The following HMCN1 variants were observed in gnomAD, a reference collection of about 807,000 sequenced individuals.
The protein encoded by HMCN1 is hemicentin-1.
HMCN1 carries 321 observed loss-of-function variants against 625.9 expected under a neutral mutation model. The ratio of observed to expected loss-of-function variants is 0.51; its 90% confidence interval spans 0.47 to 0.56. HMCN1 has a LOEUF of 0.56. Among genes scored for constraint, HMCN1 ranks in the 20% least tolerant of loss-of-function variants. The pLI, the probability that HMCN1 is intolerant of heterozygous loss-of-function variation, is 0.00. For synonymous variants in HMCN1, 2,425 were observed against 2,417.6 expected (o/e 1.00, Z -0.09); for missense variants, 6,588 against 6,887.3 (o/e 0.96, Z 1.54).
chr1:186,118,383 ATTAT>A (rs1477908397), intron 77 of HMCN1, among the ~76,000 whole-genome samples: 1 of 152,206 alleles, frequency 6.6e-6, no homozygotes, highest in African/African-American at 2.4e-5. Context: ...TTCAAGACAA[ATTAT>A]TTTGACTATG....
chr1:185,759,607 A>C (rs1655356377), intron 1 of HMCN1, among the ~76,000 whole-genome samples: 1 of 152,212 alleles, frequency 6.6e-6, no homozygotes, highest in Non-Finnish European at 1.5e-5. Context: ...CCTAAATTTA[A>C]ATTCACTAAC....
intron 1 of HMCN1, among the ~76,000 whole-genome samples, chr1:185,747,982 G>A (rs1251702782): frequency 6.7e-6 from 1 of 150,300 alleles, no homozygotes; most frequent in Non-Finnish European, 1.5e-5. Context: ...AGAGAGTTAA[G>A]TGAGAAGCAT....
At chr1:186,115,467 T>C (rs959480876) in intron 75 of HMCN1, 53 bp downstream of exon 75, 5 of 1,517,510 alleles carry the variant, frequency 3.3e-6, no homozygotes, top group Non-Finnish European at 4.5e-6. Flanking sequence ...TTGTAATGAA[T>C]CAACATTTTA....
intron 83 of HMCN1, 88 bp downstream of exon 83, chr1:186,128,379 A>G: frequency 9.2e-7 from 1 of 1,090,196 alleles, no homozygotes; most frequent in Non-Finnish European, 1.4e-6. Flanking sequence ...TGAAAATTGA[A>G]AAGTAACAAG....
intron 86 of HMCN1, among the ~76,000 whole-genome samples, chr1:186,134,835 C>A (rs772393614): frequency 1.3e-5 from 2 of 152,130 alleles, no homozygotes; most frequent in African/African-American, 4.8e-5. Context: ...TGCTCTCATC[C>A]CATCATGCTC....
intron 3 of HMCN1, 64 bp downstream of exon 3, chr1:185,864,692 C>T: frequency 7.0e-7 from 1 of 1,432,318 alleles, no homozygotes. Flanking sequence ...TGCCTGTCCT[C>T]TTTGACTCTT....
At chr1:185,968,524 A>G (rs1479627376) in intron 14 of HMCN1, among the ~76,000 whole-genome samples, 1 of 151,280 alleles carries the variant, frequency 6.6e-6, no homozygotes, top group Non-Finnish European at 1.5e-5. Context: ...ATCCACATAA[A>G]AATTCACCAG....
chr1:186,088,396 G>A (rs1435829030), intron 62 of HMCN1, 120 bp downstream of exon 62: 2 of 1,484,314 alleles, frequency 1.3e-6, no homozygotes, highest in Admixed American at 3.6e-5. Context: ...GTTCAAGAAG[G>A]CTAACGCACT....
chr1:185,858,655 T>C (rs1034959446), intron 2 of HMCN1, among the ~76,000 whole-genome samples: 1 of 134,908 alleles, frequency 7.4e-6, no homozygotes, highest in Non-Finnish European at 1.6e-5. Flanking sequence ...TTTCCTCTGT[T>C]GCACAGGCTG....
chr1:186,050,204 A>T (rs1656856791), intron 42 of HMCN1, among the ~76,000 whole-genome samples: 1 of 151,882 alleles, frequency 6.6e-6, no homozygotes, highest in Non-Finnish European at 1.5e-5. Flanking sequence ...AGGAGTGATG[A>T]TCAATTAGAA....
At chr1:185,742,871 C>T (rs2054709) in intron 1 of HMCN1, among the ~76,000 whole-genome samples, 62 of 152,262 alleles carry the variant, frequency 4.1e-4, no homozygotes, top group Admixed American at 7.8e-4. Context: ...GTAACAAAGA[C>T]TTTCTCTTAA....
At chr1:186,153,011 T>C (rs1025234276) in intron 96 of HMCN1, 140 bp downstream of exon 96, 8 of 1,194,294 alleles carry the variant, frequency 6.7e-6, no homozygotes, top group Non-Finnish European at 9.8e-6. Context: ...CTATCTGATC[T>C]TTGTTTAAAA....
chr1:185,875,511 C>G (rs528003250), intron 4 of HMCN1, among the ~76,000 whole-genome samples: 3 of 152,172 alleles, frequency 2.0e-5, no homozygotes, highest in African/African-American at 7.2e-5. Context: ...TCCTTAAGTA[C>G]AGGCCTTCTG....
At chr1:185,924,614 T>G (rs1667181040) in intron 8 of HMCN1, among the ~76,000 whole-genome samples, 1 of 152,182 alleles carries the variant, frequency 6.6e-6, no homozygotes, top group Admixed American at 6.5e-5. Flanking sequence ...TAGCCCCTAA[T>G]TTGCTACAAA....
intron 4 of HMCN1, among the ~76,000 whole-genome samples, chr1:185,895,694 T>C (rs185289248): frequency 1.3e-5 from 2 of 152,310 alleles, no homozygotes; most frequent in East Asian, 3.9e-4. Flanking sequence ...CAAATATTTC[T>C]TTTGTGATGT....
intron 1 of HMCN1, among the ~76,000 whole-genome samples, chr1:185,740,937 T>G (rs556849169): frequency 6.6e-6 from 1 of 152,254 alleles, no homozygotes; most frequent in East Asian, 1.9e-4. Flanking sequence ...GAGGTTACAG[T>G]GAGCTGAGAT....
At position 186,029,718 on chromosome 1, in the gene HMCN1, C is replaced by A. The variant is rs578203109; in HGVS notation, c.5749+6565C>A. Among the ~76,000 whole-genome samples the A allele has an allele frequency of 6.1e-4, 93 of 151,782 alleles. 2 individuals are homozygous for A. Among genetic ancestry groups the A allele is most frequent in the Middle Eastern group, 3.4e-3 (1 of 294 alleles). ...ATTTTCTCTACTGTTTTTCTCTTCT[C>A]TATTTAATTTGTATATACTCTAATT... is the stretch of plus-strand genomic sequence containing the variant. On this transcript the variant is annotated intron_variant, in intron 36 of 106. Coordinates refer to ENST00000271588, the MANE Select transcript of HMCN1 (RefSeq NM_031935.3).
In HMCN1 at chr1:186,152,842, C is replaced by A. The variant is rs2102578559; in HGVS notation, c.14989C>A (p.Leu4997Ile). 1 of 1,613,962 alleles carries A rather than the reference C, an allele frequency of 6.2e-7. No homozygotes were observed. The highest frequency in any genetic ancestry group is 8.5e-7 in the Non-Finnish European group (1 of 1,179,858). ...DIVVSGYVLQ[L>I]QSPAEVTVKD... ...CGTTGTGAGTGGCTATGTCCTACAG[C>A]TTCAGTCACCTGCTGAAGTCACTGT... is the stretch of plus-strand genomic sequence containing the variant. Residue 4997 changes from leucine (L) to isoleucine (I), a missense_variant, in exon 96 of 107, where the codon CTT (leucine) becomes ATT (isoleucine). Leu to Ile is a conservative substitution (Grantham distance 5). Transcript: ENST00000271588.
intron 1 of HMCN1, among the ~76,000 whole-genome samples, chr1:185,759,699 A>G (rs1655363195): frequency 6.6e-6 from 1 of 151,464 alleles, no homozygotes; most frequent in Admixed American, 6.5e-5. Context: ...CAATAGTAGG[A>G]ATTCAATACT....
Sources: allele counts gnomAD v4.1 joint callset (sites outside exome capture counted in the v4.1 genomes callset), GRCh38; gene constraint gnomAD v4.1.1; transcripts MANE v1.5; gene names NCBI Gene and HGNC (gene_info 2026-07-23, HGNC 2026-07-21).